Variants in PLCXD3 observed in about 807,000 individuals in gnomAD.
PLCXD3 encodes the protein PI-PLC X domain-containing protein 3.
A neutral mutation model predicts 25.5 loss-of-function variants in PLCXD3; 19 were observed. The ratio of observed to expected loss-of-function variants is 0.75; its 90% confidence interval spans 0.52 to 1.09. The LOEUF is 1.09. Among genes scored for constraint, PLCXD3 ranks in the 50% least tolerant of loss-of-function variants. The pLI, the probability that PLCXD3 is intolerant of heterozygous loss-of-function variation, is 0.00. For missense variants in PLCXD3, 411 were observed against 388.1 expected, an observed-to-expected ratio of 1.06 and a Z score of -0.50; for synonymous variants, 174 against 137.6, an observed-to-expected ratio of 1.26 and a Z score of -1.85.
intron 2 of PLCXD3, among the ~76,000 whole-genome samples, chr5:41,318,296 T>C (rs997191345): frequency 7.5e-4 from 114 of 152,190 alleles, no homozygotes; most frequent in African/African-American, 2.7e-3. Flanking sequence ...CAAAGAATAT[T>C]ATAACACTGC....
At chr5:41,372,162 T>C (rs998336179) in intron 2 of PLCXD3, among the ~76,000 whole-genome samples, 4 of 152,094 alleles carry the variant, frequency 2.6e-5, no homozygotes, top group Non-Finnish European at 4.4e-5. Flanking sequence ...CTTTTAGAAA[T>C]TAAATTCAAT....
intron 2 of PLCXD3, among the ~76,000 whole-genome samples, chr5:41,367,589 T>A (rs557887957): frequency 2.5e-4 from 38 of 152,286 alleles, no homozygotes; most frequent in South Asian, 4.1e-4. Context: ...ATTCTAGAGG[T>A]TGCCTGTTTA....
chr5:41,372,737 G>T (rs1034536475), intron 2 of PLCXD3, among the ~76,000 whole-genome samples: 2 of 151,868 alleles, frequency 1.3e-5, no homozygotes, highest in African/African-American at 2.4e-5. Context: ...AAGGACCCCA[G>T]AGAAACCTTA....
intron 1 of PLCXD3, among the ~76,000 whole-genome samples, chr5:41,396,055 C>G (rs1745994724): frequency 6.6e-6 from 1 of 151,556 alleles, no homozygotes; most frequent in Non-Finnish European, 1.5e-5. Flanking sequence ...GCCAATATCT[C>G]TGATGAATAT....
intron 1 of PLCXD3, among the ~76,000 whole-genome samples, chr5:41,435,762 T>A (rs975913653): frequency 6.6e-6 from 1 of 152,216 alleles, no homozygotes; most frequent in African/African-American, 2.4e-5. Flanking sequence ...CACTAGATAA[T>A]GTTTAGAAAA....
At chr5:41,380,105 A>G (rs1745412284) in intron 2 of PLCXD3, among the ~76,000 whole-genome samples, 1 of 151,774 alleles carries the variant, frequency 6.6e-6, no homozygotes, top group Non-Finnish European at 1.5e-5. Context: ...GTTGGCCTAT[A>G]TTTGTAATGA....
rs186983232 is a variant in PLCXD3, at chr5:41,393,907, G to A, written c.104-11373C>T. Among the ~76,000 whole-genome samples, 763 of 152,190 alleles carry A rather than the reference G, an allele frequency of 5.0e-3. 9 individuals carry two copies. The highest frequency in any genetic ancestry group is 0.017 in the African/African-American group (706 of 41,520). On this transcript the variant is annotated intron_variant, in intron 1 of 2. Transcript: ENST00000377801. ...ATCGCACCACTACACTCCAGTCTGG[G>A]TGACAGAGTGAGAATCCATCAAAAA...
chr5:41,329,079 GA>G (rs2150473035), intron 2 of PLCXD3, among the ~76,000 whole-genome samples: 1 of 152,246 alleles, frequency 6.6e-6, no homozygotes, highest in East Asian at 1.9e-4. Context: ...TGCTCATCTT[GA>G]CCAGCCTAAT....
chr5:41,369,102 A>C (rs2150487955), intron 2 of PLCXD3, among the ~76,000 whole-genome samples: 1 of 152,288 alleles, frequency 6.6e-6, no homozygotes, highest in East Asian at 1.9e-4. Context: ...AGGGTGTGGA[A>C]TTCTCCTTAT....
chr5:41,421,730 C>CAAAA (rs1286305465), intron 1 of PLCXD3, among the ~76,000 whole-genome samples: 1 of 151,694 alleles, frequency 6.6e-6, no homozygotes, highest in African/African-American at 2.4e-5. Flanking sequence ...AACAAACAAA[C>CAAAA]AAAAAAGCTC....
At chr5:41,415,822 T>C (rs543561032) in intron 1 of PLCXD3, among the ~76,000 whole-genome samples, 2 of 152,276 alleles carry the variant, frequency 1.3e-5, no homozygotes, top group African/African-American at 4.8e-5. Flanking sequence ...AGTGTATCTG[T>C]CAAAGTGTTA....
In PLCXD3 at chr5:41,465,647, C is replaced by G. The variant is rs150783418; in HGVS notation, c.103+44777G>C. ...TGAGTAGTGAAGTGACTCAGAGTCTCTTTAGAGATCTCCAACTACTGCATA... is the reference window on the plus strand; with the variant it reads ...TGAGTAGTGAAGTGACTCAGAGTCTGTTTAGAGATCTCCAACTACTGCATA... On this transcript the variant is annotated intron_variant, in intron 1 of 2. Coordinates refer to ENST00000377801, the MANE Select transcript of PLCXD3 (RefSeq NM_001005473.3). 3.8e-3 allele frequency among the ~76,000 whole-genome samples: 579 copies of G among 151,924 alleles called. 4 individuals are homozygous for G. The highest frequency in any genetic ancestry group is 0.013 in the African/African-American group (537 of 41,456).
chr5:41,450,686 T>C (rs1747608602), intron 1 of PLCXD3, among the ~76,000 whole-genome samples: 1 of 152,082 alleles, frequency 6.6e-6, no homozygotes, highest in Non-Finnish European at 1.5e-5. Flanking sequence ...GGAAGTTTCT[T>C]ATCAGTGACA....
intron 1 of PLCXD3, among the ~76,000 whole-genome samples, chr5:41,408,001 C>A (rs1017808330): frequency 7.2e-5 from 11 of 152,084 alleles, no homozygotes; most frequent in Non-Finnish European, 1.5e-4. Context: ...TAGAGAAGTT[C>A]AGTATTCATC....
chr5:41,323,782 T>G (rs1436845033), intron 2 of PLCXD3, among the ~76,000 whole-genome samples: 1 of 152,114 alleles, frequency 6.6e-6, no homozygotes, highest in East Asian at 1.9e-4. Context: ...GATATGAAAC[T>G]GGATGTAGAA....
chr5:41,318,843 C>T (rs1158328512), intron 2 of PLCXD3, among the ~76,000 whole-genome samples: 3 of 152,222 alleles, frequency 2.0e-5, no homozygotes, highest in South Asian at 2.1e-4. Flanking sequence ...GATCTATTGC[C>T]TACAAGAAAC....
intron 1 of PLCXD3, among the ~76,000 whole-genome samples, chr5:41,492,933 C>T (rs1345219519): frequency 6.6e-6 from 1 of 152,258 alleles, no homozygotes; most frequent in Non-Finnish European, 1.5e-5. Flanking sequence ...CTCAACTCGT[C>T]AAAGTCATTC....
intron 1 of PLCXD3, among the ~76,000 whole-genome samples, chr5:41,387,824 A>C (rs983152424): frequency 3.3e-5 from 5 of 152,152 alleles, no homozygotes; most frequent in African/African-American, 7.2e-5. Context: ...TCATCCTCAT[A>C]AATTTACAGC....
chr5:41,445,633 C>T (rs1271568576), intron 1 of PLCXD3, among the ~76,000 whole-genome samples: 1 of 152,010 alleles, frequency 6.6e-6, no homozygotes, highest in Non-Finnish European at 1.5e-5. Context: ...GAAATAAGGT[C>T]TCCAAAAAGT....
Sources: allele counts gnomAD v4.1 joint callset (sites outside exome capture counted in the v4.1 genomes callset), GRCh38; gene constraint gnomAD v4.1.1; transcripts MANE v1.5; gene names NCBI Gene and HGNC (gene_info 2026-07-23, HGNC 2026-07-21).